Variants in COL8A1 observed in about 807,000 individuals in gnomAD.
COL8A1 encodes collagen type VIII alpha 1 chain.
A neutral mutation model predicts 42.7 loss-of-function variants in COL8A1; 21 were observed. That is an observed-to-expected ratio of 0.49 (90% CI 0.35 to 0.71). The LOEUF (loss-of-function observed/expected upper bound fraction) is 0.71. Ranked by LOEUF, COL8A1 falls within the 30% of genes least tolerant of loss-of-function variation. COL8A1 has a pLI of 0.01. For missense variants in COL8A1, 788 were observed against 962.4 expected (o/e 0.82, Z 2.40); for synonymous variants, 367 against 369.1 (o/e 0.99, Z 0.06).
Position 99,794,651 on chromosome 3 carries a change from G to T in COL8A1, c.750G>T (p.Ala250=), listed in dbSNP as rs138724036. ...KGDKGFGMPG[A]PGVKGPPGMH... is the part of the protein sequence containing the mutation. ...ACAAGGGCTTCGGGATGCCAGGTGC[G>T]CCAGGTGTAAAGGGGCCTCCAGGGA... The change falls in exon 4 of 4, where the codon GCG becomes GCT. Residue 250 remains alanine, a synonymous_variant. Transcript: ENST00000652472. The surrounding 1 kb of genome is among the most constrained non-coding windows in gnomAD (Gnocchi z 4.3). 6.2e-7 allele frequency: 1 copy of T among 1,613,674 alleles called. No individual in the cohort carries two copies. Among genetic ancestry groups the T allele is most frequent in the African/African-American group, 1.3e-5 (1 of 74,954 alleles).
chr3:99,794,130 T>G lies in COL8A1; in HGVS notation c.329-100T>G, dbSNP rs1439810845. 3 of 732,110 alleles carry G rather than the reference T, an allele frequency of 4.1e-6. No individual in the cohort carries two copies. The highest frequency in any genetic ancestry group is 6.7e-6 in the Non-Finnish European group (3 of 447,990). 45.4% of individuals were successfully genotyped at this position (732,110 alleles called of 1,614,324 possible). A position where few individuals can be genotyped will look rare whatever the true frequency, so the allele number is the denominator to read the frequency against. ...AAGTATTAGGCAAATGTGTCAGAAC[T>G]AAATAATGGTTGTCAGTACTTCATT... is the stretch of plus-strand genomic sequence containing the variant. On this transcript the variant is annotated intron_variant, in intron 3 of 3. Coordinates refer to ENST00000652472, the MANE Select transcript of COL8A1 (RefSeq NM_020351.4). The surrounding 1 kb of genome is among the most constrained non-coding windows in gnomAD (Gnocchi z 4.3).
At chr3:99,764,507 T>C (rs903154577) in intron 2 of COL8A1, among the ~76,000 whole-genome samples, 1 of 152,114 alleles carries the variant, frequency 6.6e-6, no homozygotes, top group Non-Finnish European at 1.5e-5. Flanking sequence ...ACAAGTAATA[T>C]GTTGTTAGTA....
At chr3:99,716,457 C>T (rs1256385316) in intron 1 of COL8A1, among the ~76,000 whole-genome samples, 2 of 152,006 alleles carry the variant, frequency 1.3e-5, no homozygotes, top group Admixed American at 1.3e-4. Flanking sequence ...GAAGATAATA[C>T]ATAGATTCAT....
intron 1 of COL8A1, among the ~76,000 whole-genome samples, chr3:99,731,920 G>A (rs1940522021): frequency 6.6e-6 from 1 of 152,086 alleles, no homozygotes; most frequent in Non-Finnish European, 1.5e-5. Context: ...ACAAATATAA[G>A]TATAAAACTA....
intron 1 of COL8A1, among the ~76,000 whole-genome samples, chr3:99,697,587 C>T (rs1243354794): frequency 1.3e-5 from 2 of 152,176 alleles, no homozygotes; most frequent in Non-Finnish European, 2.9e-5. Flanking sequence ...TGACTTGAGA[C>T]TCTTTCAGCA....
intron 1 of COL8A1, among the ~76,000 whole-genome samples, chr3:99,690,882 A>T (rs1193968925): frequency 2.6e-5 from 4 of 152,218 alleles, no homozygotes; most frequent in African/African-American, 7.2e-5. Flanking sequence ...GGAATTCTAG[A>T]TGGAGATTAA....
At chr3:99,696,976 ATTTTTTTTTTT>A (rs34865022) in intron 1 of COL8A1, among the ~76,000 whole-genome samples, 6 of 88,060 alleles carry the variant, frequency 6.8e-5, no homozygotes, top group Admixed American at 6.1e-4. Flanking sequence ...ATATACACAA[ATTTTTTTTTTT>A]TTTTTTTTTT....
At chr3:99,715,855 C>T (rs561618019) in intron 1 of COL8A1, among the ~76,000 whole-genome samples, 1 of 151,928 alleles carries the variant, frequency 6.6e-6, no homozygotes, top group Non-Finnish European at 1.5e-5. Context: ...AGTGTTTACT[C>T]TCTAGACCAT....
At chr3:99,746,740 T>A (rs1298604) in intron 2 of COL8A1, among the ~76,000 whole-genome samples, 151,844 of 152,320 alleles carry the variant, frequency 1, 75,686 homozygotes, top group Middle Eastern at 1. Flanking sequence ...TCAATGGTCA[T>A]CAGCAATGAT....
chr3:99,748,552 T>C (rs186855100), intron 2 of COL8A1, among the ~76,000 whole-genome samples: 412 of 152,344 alleles, frequency 2.7e-3, no homozygotes, highest in Non-Finnish European at 4.4e-3. Flanking sequence ...TTCTTTTTAC[T>C]TATTAATATG....
chr3:99,700,078 G>A (rs957399115), intron 1 of COL8A1, among the ~76,000 whole-genome samples: 10 of 152,182 alleles, frequency 6.6e-5, no homozygotes, highest in South Asian at 4.2e-4. Context: ...GACTGAGACC[G>A]GAGACTCTGC....
chr3:99,648,627 C>T (rs1183696986), intron 1 of COL8A1, among the ~76,000 whole-genome samples: 2 of 152,084 alleles, frequency 1.3e-5, no homozygotes, highest in African/African-American at 2.4e-5. Flanking sequence ...ATAAACTCTC[C>T]CCAAGTGAAG....
intron 1 of COL8A1, chr3:99,707,120 T>C (rs1286603896): frequency 6.6e-6 from 1 of 152,174 alleles, no homozygotes; most frequent in Non-Finnish European, 1.5e-5. Flanking sequence ...ACCCTGAATA[T>C]GTATGAAGAC....
chr3:99,693,176 G>A (rs532678858), intron 1 of COL8A1, among the ~76,000 whole-genome samples: 18 of 152,232 alleles, frequency 1.2e-4, no homozygotes, highest in Middle Eastern at 3.4e-3. Context: ...GCGACAGAGC[G>A]AGACTCTGTC....
intron 1 of COL8A1, among the ~76,000 whole-genome samples, chr3:99,689,214 GT>G (rs1939148442): frequency 6.6e-6 from 1 of 152,218 alleles, no homozygotes; most frequent in South Asian, 2.1e-4. Context: ...TCAGAGTTGA[GT>G]TTTATTCACT....
At chr3:99,706,664 A>G (rs1344639998) in intron 1 of COL8A1, among the ~76,000 whole-genome samples, 1 of 152,228 alleles carries the variant, frequency 6.6e-6, no homozygotes, top group Non-Finnish European at 1.5e-5. Flanking sequence ...GGCTGCCTTC[A>G]CCATAAAACT....
chr3:99,692,858 G>A (rs906123858), intron 1 of COL8A1, among the ~76,000 whole-genome samples: 10 of 152,152 alleles, frequency 6.6e-5, no homozygotes, highest in African/African-American at 1.4e-4. Context: ...CACTGCCAGC[G>A]GTATAAAAGT....
At chr3:99,726,862 T>C (rs1053310773) in intron 1 of COL8A1, among the ~76,000 whole-genome samples, 9 of 152,162 alleles carry the variant, frequency 5.9e-5, no homozygotes, top group Non-Finnish European at 8.8e-5. Flanking sequence ...TCCAGCTTTG[T>C]TCTTTTGGCT....
chr3:99,652,024 T>G (rs1001433052), intron 1 of COL8A1, among the ~76,000 whole-genome samples: 6 of 152,172 alleles, frequency 3.9e-5, no homozygotes, highest in African/African-American at 1.2e-4. Context: ...AGCTCTAGAG[T>G]CAATGGTAAA....
Sources: allele counts gnomAD v4.1 joint callset (sites outside exome capture counted in the v4.1 genomes callset), GRCh38; gene constraint gnomAD v4.1.1; non-coding constraint Gnocchi (gnomAD v3.1); transcripts MANE v1.5; gene names NCBI Gene and HGNC (gene_info 2026-07-23, HGNC 2026-07-21).